Variants in PCDHA3 observed in about 807,000 individuals in gnomAD.
The protein encoded by PCDHA3 is protocadherin alpha-3.
PCDHA3 carries 41 observed loss-of-function variants against 62.2 expected under a neutral mutation model. The ratio of observed to expected loss-of-function variants is 0.66; its 90% CI spans 0.51 to 0.86. PCDHA3 has a LOEUF of 0.86. Ranked by LOEUF, PCDHA3 falls within the 40% of genes least tolerant of loss-of-function variation. The probability of loss-of-function intolerance (pLI) is 0.00; values close to 1 mark genes in which losing one functional copy is unlikely to be tolerated. For synonymous variants in PCDHA3, 640 were observed against 555.4 expected (o/e 1.15, Z -2.14); for missense variants, 1,304 against 1,241.2 (o/e 1.05, Z -0.76).
intron 3 of PCDHA3, among the ~76,000 whole-genome samples, chr5:141,007,395 C>CAAA (rs35800918): frequency 7.4e-5 from 7 of 94,852 alleles, no homozygotes; most frequent in Non-Finnish European, 1.2e-4. Flanking sequence ...TACTAAAATA[C>CAAA]AAAAAAAAAA....
rs782251799 is a variant in PCDHA3 at position 140,876,987 on chromosome 5, G to T, written c.2394+73396G>T. On this transcript the variant is annotated intron_variant, in intron 1 of 3. Transcript: ENST00000522353. The stretch of plus-strand genomic sequence containing the variant: ...GGCGGGTGGGCGAGCACGCACTGTC[G>T]AGCTACGTGTCGGTGCACGCGGAGA... The T allele has an allele frequency of 9.9e-6, 16 of 1,612,540 alleles. 1 individual carries two copies. The South Asian group carries it at 1.4e-4, about 14-fold the overall frequency.
intron 1 of PCDHA3, chr5:140,928,001 A>T (rs1252162846): frequency 6.2e-7 from 1 of 1,614,034 alleles, no homozygotes; most frequent in Non-Finnish European, 8.5e-7. Flanking sequence ...GAAGACCTCG[A>T]TTCTAATGGT....
intron 1 of PCDHA3, chr5:140,808,927 G>T (rs1764306295): frequency 6.2e-7 from 1 of 1,613,590 alleles, no homozygotes; most frequent in African/African-American, 1.3e-5. Flanking sequence ...TGAGCGAGCT[G>T]GTGCCATGGT....
At chr5:140,853,944 G>C (rs2042918286) in intron 1 of PCDHA3, 1 of 814,184 alleles carries the variant, frequency 1.2e-6, no homozygotes, top group Non-Finnish European at 1.5e-6. Context: ...CAAGGTGGGA[G>C]GGTCCCTTCC....
At chr5:140,984,030 A>T (rs900763001) in intron 3 of PCDHA3, among the ~76,000 whole-genome samples, 17 of 152,330 alleles carry the variant, frequency 1.1e-4, no homozygotes, top group African/African-American at 3.6e-4. Context: ...AAGGGGAAAA[A>T]CATAAAATAG....
At chr5:140,973,273 C>A (rs1180418925) in intron 1 of PCDHA3, among the ~76,000 whole-genome samples, 1 of 152,150 alleles carries the variant, frequency 6.6e-6, no homozygotes, top group Non-Finnish European at 1.5e-5. Flanking sequence ...ACTTTTATTT[C>A]CCCCAGCACT....
At chr5:140,830,593 A>C in intron 1 of PCDHA3, 1 of 705,892 alleles carries the variant, frequency 1.4e-6, no homozygotes, top group Non-Finnish European at 2.1e-6. Flanking sequence ...TAATTTTACA[A>C]AATTACATAT....
intron 1 of PCDHA3, chr5:140,835,666 G>C: frequency 6.2e-7 from 1 of 1,613,936 alleles, no homozygotes; most frequent in South Asian, 1.1e-5. Context: ...GTTACCGCGC[G>C]GGACGGGGGC....
At chr5:140,932,899 CAAT>C (rs1317207926) in intron 1 of PCDHA3, among the ~76,000 whole-genome samples, 2 of 151,832 alleles carry the variant, frequency 1.3e-5, no homozygotes, top group Non-Finnish European at 3.0e-5. Context: ...TAGAGGGAAA[CAAT>C]AATATTTCAA....
intron 1 of PCDHA3, chr5:140,842,577 C>A: frequency 6.6e-7 from 1 of 1,512,698 alleles, no homozygotes; most frequent in Non-Finnish European, 9.0e-7. Context: ...GAGAGAGTGT[C>A]GGCCTATGAG....
intron 1 of PCDHA3, among the ~76,000 whole-genome samples, chr5:140,900,909 G>T (rs1470878423): frequency 1.3e-5 from 2 of 152,184 alleles, no homozygotes; most frequent in Middle Eastern, 3.4e-3. Context: ...TTTAACTGTG[G>T]TAAGATGATA....
chr5:140,943,737 C>T (rs551964655), intron 1 of PCDHA3, among the ~76,000 whole-genome samples: 12 of 152,258 alleles, frequency 7.9e-5, no homozygotes, highest in African/African-American at 2.9e-4. Context: ...TGAAAGTCCA[C>T]AGTCTAAAAG....
At chr5:140,825,903 A>G (rs1486709697) in intron 1 of PCDHA3, 1 of 152,468 alleles carries the variant, frequency 6.6e-6, no homozygotes, top group Non-Finnish European at 1.5e-5. Flanking sequence ...TGTATGTTTG[A>G]GACTACGCTA....
chr5:140,896,404 G>T (rs1003824556), intron 1 of PCDHA3, among the ~76,000 whole-genome samples: 4 of 151,996 alleles, frequency 2.6e-5, no homozygotes, highest in Admixed American at 2.6e-4. Context: ...TGTTATTTTT[G>T]ACTTTTTAGT....
chr5:140,883,467 CCTACAAGAA>C (rs1554178369), intron 1 of PCDHA3: 1 of 1,614,170 alleles, frequency 6.2e-7, no homozygotes, highest in East Asian at 2.2e-5. Flanking sequence ...CTGGTGTCCA[CCTACAAGAA>C]CTACTACTCA....
chr5:140,881,655 C>T (rs1336529643), intron 1 of PCDHA3, among the ~76,000 whole-genome samples: 1 of 152,120 alleles, frequency 6.6e-6, no homozygotes, highest in Non-Finnish European at 1.5e-5. Flanking sequence ...TCACCTTCAC[C>T]GATTTTATTC....
chr5:140,845,193 T>C (rs1160723646), intron 1 of PCDHA3, among the ~76,000 whole-genome samples: 1 of 149,378 alleles, frequency 6.7e-6, no homozygotes, highest in Non-Finnish European at 1.5e-5. Context: ...AAAAATATGA[T>C]TGTTTTCATT....
In PCDHA3 at chr5:140,802,430, C is replaced by T. The variant is rs1047484049; in HGVS notation, c.1233C>T (p.Ser411=). 6.2e-7 allele frequency: 1 copy of T among 1,614,086 alleles called. No homozygotes were observed. Among genetic ancestry groups the T allele is most frequent in the African/African-American group, 1.3e-5 (1 of 74,938 alleles). The change falls in exon 1 of 4, where the codon AGC becomes AGT. Residue 411 remains serine (S), a synonymous_variant. Coordinates refer to ENST00000522353, the MANE Select transcript of PCDHA3 (RefSeq NM_018906.3). ...FKNYYSLVLD[S]PLDRESVSAY... The stretch of plus-strand genomic sequence containing the variant: ...ATTACTACTCATTGGTGCTGGACAG[C>T]CCTCTGGACCGCGAGAGCGTGTCGG...
chr5:140,805,982 T>C (rs149261782), intron 1 of PCDHA3, among the ~76,000 whole-genome samples: 2 of 152,292 alleles, frequency 1.3e-5, no homozygotes, highest in East Asian at 1.9e-4. Flanking sequence ...CTTTAAAATA[T>C]ATATTCCAAA....
Sources: gnomAD v4.1 joint callset for allele counts (sites outside exome capture counted in the v4.1 genomes callset) on GRCh38, gnomAD v4.1.1 for gene constraint, MANE v1.5 for transcripts, NCBI Gene and HGNC (gene_info 2026-07-23, HGNC 2026-07-21) for gene names.